The following ATF6 variants were observed in gnomAD, a reference collection of about 807,000 sequenced individuals.
ATF6 encodes the protein cyclic AMP-dependent transcription factor ATF-6 alpha.
Under a neutral mutation model 83.6 loss-of-function variants are expected in ATF6, and 53 were observed. The observed-to-expected ratio is 0.63, with a 90% confidence interval of 0.51 to 0.80. ATF6 has a LOEUF of 0.80. Ranked by LOEUF, ATF6 falls within the 30% of genes least tolerant of loss-of-function variation. The pLI is 0.00. For missense variants in ATF6, 744 were observed against 797.9 expected (o/e 0.93, Z 0.81); for synonymous variants, 288 against 285.8 (o/e 1.01, Z -0.08).
In ATF6 at chr1:161,844,839, A is replaced by G. The variant is rs531120549; in HGVS notation, c.1188-1610A>G. ...TTCTGCTTCTCTCATGTTTTCTTAAATACTCATCAGGGTGACTTTTCTTAA... is the reference window on the plus strand; with the variant it reads ...TTCTGCTTCTCTCATGTTTTCTTAAGTACTCATCAGGGTGACTTTTCTTAA... On this transcript the variant is annotated intron_variant, in intron 9 of 15. Transcript: ENST00000367942. Among the ~76,000 whole-genome samples the G allele has an allele frequency of 5.9e-5, 9 of 152,252 alleles. No individual in the cohort carries two copies. In the South Asian group the frequency reaches 1.9e-3, roughly 32 times the overall value.
chr1:161,948,129 A>G (rs768214785), intron 15 of ATF6, among the ~76,000 whole-genome samples: 27 of 152,154 alleles, frequency 1.8e-4, no homozygotes, highest in Non-Finnish European at 1.3e-4. Context: ...AAGAAAGGGT[A>G]CGTTCCTAAT....
In ATF6 at chr1:161,959,745, T is replaced by C. The variant is rs936469206; in HGVS notation, c.*1091T>C. The stretch of plus-strand genomic sequence containing the variant: ...TATGAGATTAAAGCCACAACTATTG[T>C]TTATTTTGGGGACTCTAGGCCACCA... On this transcript the variant is annotated 3_prime_UTR_variant, in exon 16 of 16. Coordinates refer to ENST00000367942, the MANE Select transcript of ATF6 (RefSeq NM_007348.4). 3.9e-5 allele frequency: 6 copies of C among 152,016 alleles called. No homozygotes were observed. The highest frequency in any genetic ancestry group is 1.5e-4 in the African/African-American group (6 of 41,374). 9.4% of individuals were successfully genotyped at this position (152,016 alleles called of 1,614,324 possible). A position where few individuals can be genotyped will look rare whatever the true frequency, so the allele number is the denominator to read the frequency against.
At chr1:161,904,510 C>T (rs1477445800) in intron 14 of ATF6, among the ~76,000 whole-genome samples, 1 of 152,048 alleles carries the variant, frequency 6.6e-6, no homozygotes, top group Admixed American at 6.6e-5. Flanking sequence ...ATCACTTGAA[C>T]CCAGGAGGCA....
intron 15 of ATF6, among the ~76,000 whole-genome samples, chr1:161,912,657 T>C (rs1688014824): frequency 6.6e-6 from 1 of 152,152 alleles, no homozygotes; most frequent in Non-Finnish European, 1.5e-5. Context: ...GCGACCCTTC[T>C]AGTCATAAAT....
chr1:161,832,720 C>G (rs1000352386), intron 9 of ATF6, among the ~76,000 whole-genome samples: 2 of 152,348 alleles, frequency 1.3e-5, no homozygotes, highest in Admixed American at 1.3e-4. Context: ...GGGCACCTGC[C>G]ATTGCCCAGG....
At chr1:161,801,895 G>A (rs951488128) in intron 6 of ATF6, among the ~76,000 whole-genome samples, 157 bp from the exon 7 acceptor site, 10 of 152,130 alleles carry the variant, frequency 6.6e-5, no homozygotes, top group Admixed American at 3.9e-4. Context: ...GTCACCATAA[G>A]CGTGTGCTGC....
chr1:161,916,652 C>T (rs747029034), intron 15 of ATF6, among the ~76,000 whole-genome samples: 12 of 152,200 alleles, frequency 7.9e-5, no homozygotes, highest in Non-Finnish European at 1.8e-4. Flanking sequence ...ATTACACCCA[C>T]TCATCATACC....
In ATF6 at chr1:161,910,674, C is replaced by G. The variant is rs79325964; in HGVS notation, c.1720-1622C>G. ...AAGTTTTTTGGTTTGTTTTCACATT[C>G]AATTTAGAGACCCTGAAGCAGTATT... On this transcript the variant is annotated intron_variant, in intron 14 of 15. Transcript: ENST00000367942. Among the ~76,000 whole-genome samples, 319 of 152,212 alleles carry G rather than the reference C, an allele frequency of 2.1e-3. 7 individuals are homozygous for G. The East Asian group carries it at 0.054, about 26-fold the overall frequency.
chr1:161,791,087 TGTGTGTGTGTGTGTGTCTC>T (rs1684867039), intron 4 of ATF6, among the ~76,000 whole-genome samples: 2 of 65,548 alleles, frequency 3.1e-5, no homozygotes, highest in East Asian at 2.0e-3. Flanking sequence ...TGTGTGTCTC[TGTGTGTGTGTGTGTGTCTC>T]TGTGTGTGTG....
intron 14 of ATF6, among the ~76,000 whole-genome samples, chr1:161,883,197 A>G (rs762796541): frequency 4.6e-5 from 7 of 152,036 alleles, no homozygotes; most frequent in African/African-American, 7.2e-5. Context: ...TTAGATTTAG[A>G]TAATTTAGAC....
chr1:161,807,872 T>A (rs1685338249), intron 7 of ATF6, among the ~76,000 whole-genome samples: 1 of 89,342 alleles, frequency 1.1e-5, no homozygotes, highest in Non-Finnish European at 2.3e-5. Context: ...CATCTTTTTT[T>A]TTTTTTTTTT....
chr1:161,873,545 A>G (rs896852045), intron 14 of ATF6, among the ~76,000 whole-genome samples: 11 of 151,648 alleles, frequency 7.3e-5, no homozygotes, highest in African/African-American at 2.4e-4. Context: ...AACTTTTGAC[A>G]CCATCAGCAA....
chr1:161,803,178 C>G (rs538761113), intron 7 of ATF6, among the ~76,000 whole-genome samples: 18 of 152,180 alleles, frequency 1.2e-4, no homozygotes, highest in African/African-American at 3.9e-4. Context: ...TATCAGACTA[C>G]TGTCTGATCT....
At chr1:161,883,633 CATT>C (rs1160300985) in intron 14 of ATF6, among the ~76,000 whole-genome samples, 1 of 151,916 alleles carries the variant, frequency 6.6e-6, no homozygotes, top group Non-Finnish European at 1.5e-5. Context: ...ATATAATAAA[CATT>C]ATTTTCACTT....
At chr1:161,847,471 T>C (rs1311376034) in intron 10 of ATF6, among the ~76,000 whole-genome samples, 2 of 152,092 alleles carry the variant, frequency 1.3e-5, no homozygotes, top group African/African-American at 4.8e-5. Context: ...TGGAGTACAG[T>C]ATGCCAAGTC....
chr1:161,925,996 G>A (rs1193968076), intron 15 of ATF6, among the ~76,000 whole-genome samples: 1 of 152,156 alleles, frequency 6.6e-6, no homozygotes, highest in East Asian at 1.9e-4. Context: ...GCAAGCAGAA[G>A]CCAGTTCATC....
Position 161,863,217 on chromosome 1 carries a change from C to T in ATF6, c.1624C>T (p.Leu542=). Residue 542 remains leucine, a synonymous_variant, in exon 14 of 16, where the codon CTA becomes TTA. Coordinates refer to ENST00000367942, the MANE Select transcript of ATF6 (RefSeq NM_007348.4). ...SSISRNSGSE[L]QVYYASPRSY... ...CTTTAGCAGGAACTCAGGGAGTGAG[C>T]TACAAGTGTATTATGCTTCACCCAG... 2 of 1,606,272 alleles carry T rather than the reference C, an allele frequency of 1.2e-6. No homozygotes were observed. Among genetic ancestry groups the T allele is most frequent in the Non-Finnish European group, 1.7e-6 (2 of 1,174,038 alleles).
intron 1 of ATF6, among the ~76,000 whole-genome samples, chr1:161,768,402 C>G (rs1462570776): frequency 6.6e-6 from 1 of 152,158 alleles, no homozygotes; most frequent in East Asian, 1.9e-4. Flanking sequence ...TAACAGTCTT[C>G]TCTTCTTTGA....
intron 15 of ATF6, among the ~76,000 whole-genome samples, chr1:161,953,084 G>T (rs553605297): frequency 6.6e-6 from 1 of 152,192 alleles, no homozygotes; most frequent in Non-Finnish European, 1.5e-5. Context: ...GCAGTGTTTA[G>T]CACACAGAAA....
Sources: allele counts gnomAD v4.1 joint callset (sites outside exome capture counted in the v4.1 genomes callset), GRCh38; gene constraint gnomAD v4.1.1; transcripts MANE v1.5; gene names NCBI Gene and HGNC (gene_info 2026-07-23, HGNC 2026-07-21).